Variants in FRAS1 observed in about 807,000 individuals in gnomAD.
FRAS1 encodes Fraser extracellular matrix complex subunit 1, also known as extracellular matrix organizing protein FRAS1.
In FRAS1, 290 loss-of-function variants were observed where a neutral mutation model predicts 435.2. That is an observed-to-expected ratio of 0.67 (90% CI 0.61 to 0.73). The LOEUF (loss-of-function observed/expected upper bound fraction) is 0.73. Among genes scored for constraint, FRAS1 ranks in the 30% least tolerant of loss-of-function variants. FRAS1 has a pLI of 0.00. For missense variants in FRAS1, 4,860 were observed against 5,001.5 expected, an observed-to-expected ratio of 0.97 and a Z score of 0.85; for synonymous variants, 1,800 against 1,851.0, an observed-to-expected ratio of 0.97 and a Z score of 0.71.
chr4:78,463,698 G>A (rs1274914379), intron 47 of FRAS1, among the ~76,000 whole-genome samples: 1 of 152,196 alleles, frequency 6.6e-6, no homozygotes, highest in Non-Finnish European at 1.5e-5. Flanking sequence ...GGGGCTTGGA[G>A]AATAAGACAA....
chr4:78,139,014 A>T (rs1474724261), intron 2 of FRAS1, among the ~76,000 whole-genome samples: 1 of 152,196 alleles, frequency 6.6e-6, no homozygotes, highest in Non-Finnish European at 1.5e-5. Flanking sequence ...ACATCTGTGT[A>T]TTTAAATTAG....
intron 57 of FRAS1, 115 bp from the exon 58 acceptor site, chr4:78,482,273 A>G: frequency 8.2e-7 from 1 of 1,215,444 alleles, no homozygotes; most frequent in Non-Finnish European, 1.2e-6. Flanking sequence ...TATGGATTAG[A>G]AAATCTTACT....
chr4:78,438,582 C>T lies in FRAS1; in HGVS notation c.5230C>T (p.Pro1744Ser). 6.2e-7 allele frequency: 1 copy of T among 1,613,768 alleles called. No homozygotes were observed. Among genetic ancestry groups the T allele is most frequent in the Non-Finnish European group, 8.5e-7 (1 of 1,179,796 alleles). Residue 1744 changes from proline (P) to serine (S), a missense_variant, in exon 39 of 74, where the codon CCC (proline) becomes TCC (serine). By Grantham distance (74) the Pro-to-Ser change is moderately conservative. Transcript: ENST00000512123. ...TTTGCCTCATTAGGATGATTCTTCC[C>T]CCGACCCAGAGATCTGGATTCAGTT... ...SHLAYVDDSSPDPEIWIQLNY... is the reference protein window; with the variant it reads ...SHLAYVDDSSSDPEIWIQLNY...
intron 65 of FRAS1, among the ~76,000 whole-genome samples, chr4:78,514,412 A>G (rs1290791712): frequency 1.3e-5 from 2 of 152,264 alleles, no homozygotes; most frequent in Admixed American, 6.5e-5. Flanking sequence ...TTCACAAATG[A>G]TGAAACACTT....
chr4:78,459,345 C>T (rs1300197128), intron 47 of FRAS1, among the ~76,000 whole-genome samples: 1 of 152,220 alleles, frequency 6.6e-6, no homozygotes, highest in African/African-American at 2.4e-5. Flanking sequence ...GACATGTAGA[C>T]AGACATGTGC....
At chr4:78,266,123 A>T (rs1038762960) in intron 7 of FRAS1, among the ~76,000 whole-genome samples, 2 of 152,316 alleles carry the variant, frequency 1.3e-5, no homozygotes, top group South Asian at 2.1e-4. Flanking sequence ...AACATTAATT[A>T]TGTCATCTAG....
At chr4:78,165,339 T>C (rs1422900691) in intron 2 of FRAS1, among the ~76,000 whole-genome samples, 1 of 152,174 alleles carries the variant, frequency 6.6e-6, no homozygotes, top group East Asian at 1.9e-4. Context: ...CAGCGTCCCA[T>C]TGTGTTTGTG....
chr4:78,116,356 C>T (rs1304966388), intron 2 of FRAS1, among the ~76,000 whole-genome samples: 1 of 152,136 alleles, frequency 6.6e-6, no homozygotes, highest in East Asian at 1.9e-4. Flanking sequence ...TGCCTTGGTG[C>T]AGAGCTGAGT....
rs564975953 is a variant in FRAS1, at chr4:78,086,158, A to C, written c.108+20142A>C. Among the ~76,000 whole-genome samples, 311 of 152,172 alleles carry C rather than the reference A, an allele frequency of 2.0e-3. 4 individuals carry two copies. The highest frequency in any genetic ancestry group is 6.6e-3 in the African/African-American group (275 of 41,540). On this transcript the variant is annotated intron_variant, in intron 2 of 73. Transcript: ENST00000512123. ...GCTCAACTACATGGAAACTGAACAAACTGCTCCTGAATGACTACTGGGTAC... is the reference window on the plus strand; with the variant it reads ...GCTCAACTACATGGAAACTGAACAACCTGCTCCTGAATGACTACTGGGTAC...
intron 2 of FRAS1, among the ~76,000 whole-genome samples, chr4:78,175,539 T>C (rs1721732185): frequency 1.3e-5 from 2 of 152,032 alleles, no homozygotes; most frequent in Non-Finnish European, 2.9e-5. Context: ...TTTTCAGAGG[T>C]GAGGGCAGGG....
intron 2 of FRAS1, chr4:78,181,408 C>T: frequency 6.2e-7 from 1 of 1,612,028 alleles, no homozygotes; most frequent in Non-Finnish European, 8.5e-7. Context: ...CACGTTTGTC[C>T]TCGTGCTTCA....
chr4:78,513,518 T>C lies in FRAS1; in HGVS notation c.10140T>C (p.Asn3380=), dbSNP rs753588022. ...SIYRHQHVCS[N]LVTTYDLRGI... ...ACAGACACCAGCACGTCTGCTCCAATTTAGTTACCACCTATGACCTGAGAG... is the reference window on the plus strand; with the variant it reads ...ACAGACACCAGCACGTCTGCTCCAACTTAGTTACCACCTATGACCTGAGAG... Residue 3380 remains asparagine (N), a synonymous_variant, in exon 65 of 74, where the codon AAT becomes AAC. Transcript: ENST00000512123. 3.1e-6 allele frequency: 5 copies of C among 1,613,896 alleles called. No individual in the cohort carries two copies. The highest frequency in any genetic ancestry group is 4.2e-6 in the Non-Finnish European group (5 of 1,179,866).
At chr4:78,395,254 G>T (rs1406345555) in intron 29 of FRAS1, among the ~76,000 whole-genome samples, 1 of 151,920 alleles carries the variant, frequency 6.6e-6, no homozygotes, top group Non-Finnish European at 1.5e-5. Context: ...TTCTTAAATT[G>T]TTAAGACATC....
At chr4:78,276,304 T>C (rs1328542285) in intron 9 of FRAS1, among the ~76,000 whole-genome samples, 1 of 152,268 alleles carries the variant, frequency 6.6e-6, no homozygotes, top group Non-Finnish European at 1.5e-5. Context: ...TGAAGCCTTC[T>C]TCTCTCAGCT....
At position 78,470,044 on chromosome 4, in the gene FRAS1, A is replaced by T; in HGVS notation, c.7324A>T (p.Ile2442Phe). The T allele has an allele frequency of 6.2e-7, 1 of 1,613,702 alleles. No individual in the cohort carries two copies. The highest frequency in any genetic ancestry group is 8.5e-7 in the Non-Finnish European group (1 of 1,179,806). ...CCCGGTAGATGATGGCACGCCTAGA[A>T]TTGTCACCAACCTGGGACTCCAGTG... ...ILPVDDGTPR[I>F]VTNLGLQWLE... Residue 2442 changes from isoleucine (I) to phenylalanine (F), a missense_variant, in exon 51 of 74, where the codon ATT becomes TTT. By Grantham distance (21) the Ile-to-Phe change is conservative. Coordinates refer to ENST00000512123, the MANE Select transcript of FRAS1 (RefSeq NM_025074.7).
At chr4:78,125,789 G>A (rs1202173870) in intron 2 of FRAS1, among the ~76,000 whole-genome samples, 1 of 152,166 alleles carries the variant, frequency 6.6e-6, no homozygotes, top group Admixed American at 6.5e-5. Flanking sequence ...TGAGATGTCT[G>A]TCAGCCCCTA....
At chr4:78,125,372 G>GC (rs1560537070) in intron 2 of FRAS1, among the ~76,000 whole-genome samples, 2 of 152,028 alleles carry the variant, frequency 1.3e-5, no homozygotes, top group Non-Finnish European at 2.9e-5. Context: ...TATAATTTCT[G>GC]TTTTTTTACA....
intron 15 of FRAS1, among the ~76,000 whole-genome samples, chr4:78,311,094 G>A (rs1251062980): frequency 8.2e-6 from 1 of 122,302 alleles, no homozygotes; most frequent in African/African-American, 2.6e-5. Flanking sequence ...AGGGCTTTTC[G>A]GGCTGCAGCT....
Position 78,284,436 on chromosome 4 carries a change from T to C in FRAS1, c.1287T>C (p.Ser429=), listed in dbSNP as rs1168796642. Residue 429 remains serine, a synonymous_variant, in exon 13 of 74, where the codon TCT becomes TCC. Transcript: ENST00000512123. ...GCCATCCAGATTGTTTGACATGCTC[T>C]CAGTCTCCAGACCACTGTGACCTCT... The part of the protein sequence containing the change: ...VHCHPDCLTC[S]QSPDHCDLCQ... 1 of 1,613,932 alleles carries C rather than the reference T, an allele frequency of 6.2e-7. No individual in the cohort carries two copies. The highest frequency in any genetic ancestry group is 1.7e-5 in the Admixed American group (1 of 60,024).
Sources: gnomAD v4.1 joint callset for allele counts (sites outside exome capture counted in the v4.1 genomes callset) on GRCh38, gnomAD v4.1.1 for gene constraint, MANE v1.5 for transcripts, NCBI Gene and HGNC (gene_info 2026-07-23, HGNC 2026-07-21) for gene names.